Variants in ERBIN observed in about 807,000 individuals in gnomAD.
The protein encoded by ERBIN is densin-180-like protein.
ERBIN carries 60 observed loss-of-function variants against 158.4 expected under a neutral mutation model. The ratio of observed to expected loss-of-function variants is 0.38; its 90% CI spans 0.31 to 0.47. The LOEUF is 0.47. Among genes scored for constraint, ERBIN ranks in the 20% least tolerant of loss-of-function variants. The pLI is 0.99. For missense variants in ERBIN, 1,610 were observed against 1,648.0 expected (o/e 0.98, Z 0.40); for synonymous variants, 594 against 557.2 (o/e 1.07, Z -0.93).
intron 1 of ERBIN, among the ~76,000 whole-genome samples, chr5:65,931,676 T>C (rs1430882512): frequency 6.6e-6 from 1 of 152,218 alleles, no homozygotes; most frequent in Non-Finnish European, 1.5e-5. Flanking sequence ...ATGTTTGGCT[T>C]AATAGAAAAC....
chr5:66,075,037 A>G lies in ERBIN; in HGVS notation c.3770A>G (p.Asn1257Ser). ...TGTTTTTCTTAGATGCCTTTGAGTA[A>G]TGGACAGATGGGCCAGCCTCTCAGG... ...PDSLMKMPLS[N>S]GQMGQPLRPQ... The change falls in exon 23 of 26, where the codon AAT (asparagine) becomes AGT (serine). Residue 1257 changes from asparagine to serine, a missense_variant. Coordinates refer to ENST00000284037, the MANE Select transcript of ERBIN (RefSeq NM_001253697.2). The G allele has an allele frequency of 6.2e-7, 1 of 1,614,164 alleles. No individual in the cohort carries two copies. Among genetic ancestry groups the G allele is most frequent in the Non-Finnish European group, 8.5e-7 (1 of 1,180,020 alleles).
In ERBIN at chr5:66,053,499, T is replaced by G. The variant is rs1759258387; in HGVS notation, c.2181T>G (p.Asp727Glu). The G allele has an allele frequency of 6.2e-7, 1 of 1,609,276 alleles. No individual in the cohort carries two copies. The highest frequency in any genetic ancestry group is 8.5e-7 in the Non-Finnish European group (1 of 1,178,624). ...AGTTCAAAGCTCATGATAAAAAAGA[T>G]TTTAACTTACCTGAATATGATTTGA... is the stretch of plus-strand genomic sequence containing the variant. ...EEKFKAHDKK[D>E]FNLPEYDLNV... is the part of the protein sequence containing the mutation. Residue 727 changes from aspartate to glutamate, a missense_variant, in exon 21 of 26, where the codon GAT becomes GAG. This residue lies in a region of ERBIN where 1,014 missense variants were observed against 936.1 expected (regional missense o/e 1.08). Transcript: ENST00000284037.
At chr5:65,934,644 T>C (rs1743862098) in intron 1 of ERBIN, among the ~76,000 whole-genome samples, 1 of 152,232 alleles carries the variant, frequency 6.6e-6, no homozygotes, top group African/African-American at 2.4e-5. Flanking sequence ...TGTCCTATTA[T>C]GGTATTCACT....
At chr5:66,052,428 A>G (rs1759136656) in intron 20 of ERBIN, among the ~76,000 whole-genome samples, 2 of 152,160 alleles carry the variant, frequency 1.3e-5, no homozygotes, top group African/African-American at 4.8e-5. Context: ...TTGAATTTGA[A>G]GCTATGAGCT....
rs150206488 is a variant in ERBIN at position 65,997,598 on chromosome 5, T to C, written c.307+2734T>C. On this transcript the variant is annotated intron_variant, in intron 4 of 25. Coordinates refer to ENST00000284037, the MANE Select transcript of ERBIN (RefSeq NM_001253697.2). Reference sequence around the variant, plus strand: ...GAAAGAATCACATGAGGATAAATTTTAAATGGTCTGACCAAATATAGGACT... The same window carrying C: ...GAAAGAATCACATGAGGATAAATTTCAAATGGTCTGACCAAATATAGGACT... 1.8e-3 allele frequency among the ~76,000 whole-genome samples: 277 copies of C among 152,300 alleles called. 1 individual carries two copies. Among genetic ancestry groups the C allele is most frequent in the African/African-American group, 6.3e-3 (263 of 41,564 alleles).
At chr5:66,000,715 GT>G (rs1048301234) in intron 4 of ERBIN, among the ~76,000 whole-genome samples, 3 of 151,960 alleles carry the variant, frequency 2.0e-5, no homozygotes, top group Non-Finnish European at 4.4e-5. Flanking sequence ...TGCAGAATTG[GT>G]TTTTTTGCAT....
At chr5:65,948,039 T>C (rs1031320754) in intron 1 of ERBIN, among the ~76,000 whole-genome samples, 2 of 152,046 alleles carry the variant, frequency 1.3e-5, no homozygotes, top group Admixed American at 6.6e-5. Flanking sequence ...TTAAATAATT[T>C]CTAATGTGCA....
chr5:65,945,681 T>A (rs1745650811), intron 1 of ERBIN, among the ~76,000 whole-genome samples: 1 of 152,252 alleles, frequency 6.6e-6, no homozygotes, highest in African/African-American at 2.4e-5. Context: ...ATATTTTAGT[T>A]GCTTTAGCTA....
intron 1 of ERBIN, among the ~76,000 whole-genome samples, chr5:65,944,308 C>A (rs1745468085): frequency 6.6e-6 from 1 of 151,348 alleles, no homozygotes; most frequent in African/African-American, 2.4e-5. Context: ...AGTTTCTCTA[C>A]ATCCTCACCA....
In ERBIN at chr5:66,044,201, T is replaced by C; in HGVS notation, c.1493T>C (p.Val498Ala). The part of the protein sequence containing the change: ...PDELKNMVKT[V>A]QTIVHRLKDE... ...GAGCTTAAGAATATGGTCAAAACTG[T>C]TCAAACCATTGTACATAGATTAAAA... The change falls in exon 17 of 26, where the codon GTT becomes GCT. Residue 498 changes from valine to alanine, a missense_variant. Physicochemically the swap from Val to Ala is moderately conservative, Grantham distance 64. Coordinates refer to ENST00000284037, the MANE Select transcript of ERBIN (RefSeq NM_001253697.2). The C allele has an allele frequency of 1.2e-6, 2 of 1,610,420 alleles. No individual in the cohort carries two copies. The highest frequency in any genetic ancestry group is 1.7e-6 in the Non-Finnish European group (2 of 1,178,660).
rs1018045944 is a variant in ERBIN, at chr5:65,926,728, A to C, written c.-136A>C. ...CCGAGAGAGATATTCAGCTGGATCC[A>C]AAGTGACTGATGAAGGGAAGGAAAT... On this transcript the variant is annotated 5_prime_UTR_variant, in exon 1 of 26. Coordinates refer to ENST00000284037, the MANE Select transcript of ERBIN (RefSeq NM_001253697.2). The C allele has an allele frequency of 3.9e-5, 6 of 152,204 alleles. No individual in the cohort carries two copies. The highest frequency in any genetic ancestry group is 1.4e-4 in the African/African-American group (6 of 41,518). The allele number at this position is 152,204 out of a possible 1,614,324, so 9.4% of individuals were successfully genotyped here.
rs557654972 is a variant in ERBIN at position 65,984,269 on chromosome 5, T to C, written c.-57-4366T>C. Reference sequence around the variant, plus strand: ...GCAGTGGGGCCCCTGCCCACTCAGCTTCTCTCATTTTCTTCACTTATCAGT... The same window carrying C: ...GCAGTGGGGCCCCTGCCCACTCAGCCTCTCTCATTTTCTTCACTTATCAGT... On this transcript the variant is annotated intron_variant, in intron 1 of 25. Transcript: ENST00000284037. Among the ~76,000 whole-genome samples, 5 of 152,136 alleles carry C rather than the reference T, an allele frequency of 3.3e-5. No homozygotes were observed. In the East Asian group the frequency reaches 9.7e-4, roughly 29 times the overall value.
intron 21 of ERBIN, among the ~76,000 whole-genome samples, chr5:66,064,113 A>C (rs1476323491): frequency 3.3e-5 from 5 of 152,210 alleles, no homozygotes; most frequent in Non-Finnish European, 5.9e-5. Flanking sequence ...TGAAAGATAA[A>C]ATGGTAATGA....
At chr5:65,983,709 C>G (rs16894669) in intron 1 of ERBIN, among the ~76,000 whole-genome samples, 2,574 of 152,292 alleles carry the variant, frequency 0.017, 72 homozygotes, top group African/African-American at 0.059. Context: ...TAAATCCAGC[C>G]GAGTATACAT....
In ERBIN at chr5:65,976,197, G is replaced by T. The variant is rs546450163; in HGVS notation, c.-57-12438G>T. Among the ~76,000 whole-genome samples, 4 of 152,274 alleles carry T rather than the reference G, an allele frequency of 2.6e-5. No homozygotes were observed. The East Asian group carries it at 7.7e-4, about 29-fold the overall frequency. ...CCAGTCAAGACTGTATGAGAGGCTG[G>T]GCACAGTGGCTTACACCTATAATCC... On this transcript the variant is annotated intron_variant, in intron 1 of 25. Transcript: ENST00000284037.
chr5:65,957,865 C>T (rs1051655026), intron 1 of ERBIN, among the ~76,000 whole-genome samples: 10 of 148,100 alleles, frequency 6.8e-5, no homozygotes, highest in Admixed American at 2.7e-4. Context: ...TCAGACGGGG[C>T]GGCTGCCGGG....
intron 4 of ERBIN, among the ~76,000 whole-genome samples, chr5:66,006,590 A>G (rs1197388943): frequency 6.6e-6 from 1 of 152,204 alleles, no homozygotes; most frequent in African/African-American, 2.4e-5. Context: ...AGAAACCACC[A>G]TCAGAGTGAA....
intron 10 of ERBIN, among the ~76,000 whole-genome samples, chr5:66,024,778 A>G (rs536693646): frequency 3.3e-5 from 5 of 152,240 alleles, no homozygotes; most frequent in Admixed American, 6.5e-5. Context: ...TTCATTACAG[A>G]CACTCAGACA....
chr5:65,929,770 A>G (rs1743139902), intron 1 of ERBIN, among the ~76,000 whole-genome samples: 1 of 151,278 alleles, frequency 6.6e-6, no homozygotes, highest in African/African-American at 2.4e-5. Flanking sequence ...CCTCCCAAGT[A>G]GCTGGGATTA....
Sources: allele counts gnomAD v4.1 joint callset (sites outside exome capture counted in the v4.1 genomes callset), GRCh38; gene constraint gnomAD v4.1.1; regional missense constraint gnomAD v4.1.1; transcripts MANE v1.5; gene names NCBI Gene and HGNC (gene_info 2026-07-23, HGNC 2026-07-21).